The following PRH1 variants were observed in gnomAD, a reference collection of about 807,000 sequenced individuals.
PRH1 encodes the protein salivary acidic proline-rich phosphoprotein 1/2.
Under a neutral mutation model 7.9 loss-of-function variants are expected in PRH1, and 7 were observed. The observed-to-expected ratio is 0.89, with a 90% CI of 0.50 to 1.67. The LOEUF (loss-of-function observed/expected upper bound fraction) is 1.67. Ranked by LOEUF, PRH1 falls within the 40% of genes most tolerant of loss-of-function variation. The pLI, the probability that PRH1 is intolerant of heterozygous loss-of-function variation, is 0.00. For synonymous variants in PRH1, 45 were observed against 80.8 expected, an observed-to-expected ratio of 0.56 and a Z score of 2.38; for missense variants, 109 against 223.6, an observed-to-expected ratio of 0.49 and a Z score of 3.27.
chr12:10,996,047 T>C lies in PRH1; in HGVS notation c.-125-22326A>G, dbSNP rs149710053. 7.2e-5 allele frequency among the ~76,000 whole-genome samples: 11 copies of C among 152,082 alleles called. No individual in the cohort carries two copies. The East Asian group carries it at 1.5e-3, about 21-fold the overall frequency. ...ATATTAAACATAAAATAAGAATTCA[T>C]CATGAATGTCTATAATCCCAGCACT... is the stretch of plus-strand genomic sequence containing the variant. On this transcript the variant is annotated intron_variant, in intron 1 of 3. Transcript: ENST00000539853.
At chr12:10,976,355 G>A (rs932830600) in intron 1 of PRH1, among the ~76,000 whole-genome samples, 1 of 152,076 alleles carries the variant, frequency 6.6e-6, no homozygotes, top group Non-Finnish European at 1.5e-5. Flanking sequence ...CAGAAACCAA[G>A]AAATTCTTTG....
intron 1 of PRH1, among the ~76,000 whole-genome samples, chr12:11,150,497 A>G (rs1947041440): frequency 6.6e-6 from 1 of 152,202 alleles, no homozygotes. Flanking sequence ...GCCATAAAAA[A>G]TGATGAGTTC....
chr12:11,080,664 CA>C (rs1300513525), intron 1 of PRH1, among the ~76,000 whole-genome samples: 1 of 118,448 alleles, frequency 8.4e-6, no homozygotes, highest in Non-Finnish European at 2.0e-5. Flanking sequence ...TTTATACAGT[CA>C]ACATTTATTT....
At chr12:10,903,934 A>AAAAAAAAAAAAAAAAAAAAAC (rs1949762316) in intron 2 of PRH1, among the ~76,000 whole-genome samples, 1 of 139,536 alleles carries the variant, frequency 7.2e-6, no homozygotes, top group Non-Finnish European at 1.6e-5. Flanking sequence ...ATAGCCTCAA[A>AAAAAAAAAAAAAAAAAAAAAC]AAAAAAAAAA....
chr12:11,058,817 A>G (rs1337985876), intron 1 of PRH1, among the ~76,000 whole-genome samples: 3 of 152,180 alleles, frequency 2.0e-5, no homozygotes, highest in African/African-American at 7.2e-5. Flanking sequence ...CCTCTGTGCA[A>G]CTGTGCAAGT....
intron 1 of PRH1, among the ~76,000 whole-genome samples, chr12:11,052,351 T>A (rs1943184064): frequency 6.6e-6 from 1 of 152,260 alleles, no homozygotes; most frequent in Non-Finnish European, 1.5e-5. Flanking sequence ...TTCCTTTGAA[T>A]TCCTCCTTCC....
chr12:11,116,466 A>T (rs531065626), downstream of PRH1, among the ~76,000 whole-genome samples: 2 of 152,214 alleles, frequency 1.3e-5, no homozygotes, highest in South Asian at 4.1e-4. Flanking sequence ...CTGGGAGCAG[A>T]TGGCTTTAGA....
At chr12:11,147,378 G>C (rs61931278) in intron 1 of PRH1, among the ~76,000 whole-genome samples, 69,117 of 151,872 alleles carry the variant, frequency 0.46, 16,525 homozygotes, top group Non-Finnish European at 0.52. Context: ...AGTAGAGACA[G>C]GGTTTCACCA....
chr12:10,896,150 C>T (rs1335988214), intron 2 of PRH1, among the ~76,000 whole-genome samples: 1 of 152,176 alleles, frequency 6.6e-6, no homozygotes, highest in Non-Finnish European at 1.5e-5. Context: ...TTGTATTTTA[C>T]ATGGAAAGTT....
At chr12:11,001,035 G>A (rs764055163) in intron 1 of PRH1, among the ~76,000 whole-genome samples, 2 of 152,000 alleles carry the variant, frequency 1.3e-5, no homozygotes, top group Non-Finnish European at 2.9e-5. Context: ...TGCTTGACAT[G>A]AAAATGCTAA....
intron 1 of PRH1, among the ~76,000 whole-genome samples, chr12:11,145,610 G>C (rs1265204869): frequency 3.3e-5 from 5 of 152,094 alleles, no homozygotes; most frequent in Non-Finnish European, 7.3e-5. Flanking sequence ...AAACAGAAAA[G>C]GATTTCACAG....
chr12:11,170,904 C>T (rs992780965), intron 1 of PRH1, among the ~76,000 whole-genome samples: 23 of 152,132 alleles, frequency 1.5e-4, no homozygotes, highest in Admixed American at 5.9e-4. Flanking sequence ...AATCATCTTG[C>T]CCTAATATTA....
intron 1 of PRH1, among the ~76,000 whole-genome samples, chr12:11,143,559 G>C (rs1946769571): frequency 6.6e-6 from 1 of 151,984 alleles, no homozygotes; most frequent in Non-Finnish European, 1.5e-5. Context: ...CAATCAAAAG[G>C]CATAGTCTAG....
chr12:11,023,473 T>A (rs1941759239), intron 1 of PRH1, among the ~76,000 whole-genome samples: 1 of 152,196 alleles, frequency 6.6e-6, no homozygotes, highest in Admixed American at 6.5e-5. Context: ...TGTTCAGCAA[T>A]TTTGTAAATA....
intron 1 of PRH1, among the ~76,000 whole-genome samples, chr12:11,085,687 G>C (rs938002990): frequency 1.7e-5 from 2 of 115,916 alleles, no homozygotes; most frequent in Non-Finnish European, 4.1e-5. Flanking sequence ...CAAATACTAT[G>C]TCCTTGTTAT....
At chr12:11,049,251 T>C (rs902307940), upstream of PRH1, 3 of 944,418 alleles carry the variant, frequency 3.2e-6, no homozygotes, top group Non-Finnish European at 4.1e-6. Context: ...GCAGAAAACA[T>C]ATCATGTTTG....
At chr12:11,015,202 T>C (rs564899369) in intron 1 of PRH1, among the ~76,000 whole-genome samples, 114 of 152,360 alleles carry the variant, frequency 7.5e-4, no homozygotes, top group African/African-American at 2.7e-3. Flanking sequence ...CCACCACACA[T>C]GTGAGCAGCC....
At chr12:10,930,223 T>A in intron 2 of PRH1, 4 of 1,594,338 alleles carry the variant, frequency 2.5e-6, no homozygotes, top group Non-Finnish European at 3.4e-6. Flanking sequence ...GAGCTCTGAA[T>A]GATTCATGCA....
At chr12:11,048,154 G>A (rs1376208740), upstream of PRH1, among the ~76,000 whole-genome samples, 2 of 115,530 alleles carry the variant, frequency 1.7e-5, no homozygotes, top group African/African-American at 3.3e-5. Flanking sequence ...ATATGTGTGT[G>A]TGTGTGTATA....
Sources: allele counts gnomAD v4.1 joint callset (sites outside exome capture counted in the v4.1 genomes callset), GRCh38; gene constraint gnomAD v4.1.1; transcripts MANE v1.5; gene names NCBI Gene and HGNC (gene_info 2026-07-23, HGNC 2026-07-21).